CPNE8: variants seen among roughly 807,000 people sequenced by gnomAD.
The protein encoded by CPNE8 is copine-8.
Under a neutral mutation model 81.5 loss-of-function variants are expected in CPNE8, and 45 were observed. That is an observed-to-expected ratio of 0.55 (90% CI 0.44 to 0.71). The LOEUF is 0.71. Among genes scored for constraint, CPNE8 ranks in the 30% least tolerant of loss-of-function variants. The pLI, the probability that CPNE8 is intolerant of heterozygous loss-of-function variation, is 0.00. For missense variants in CPNE8, 594 were observed against 672.1 expected (o/e 0.88, Z 1.28); for synonymous variants, 252 against 226.3 (o/e 1.11, Z -1.02).
rs1317225983 is a variant in CPNE8 at position 38,675,730 on chromosome 12, TG to T, written c.1418del (p.Pro473GlnfsTer15). 2 of 1,602,588 alleles carry T rather than the reference TG, an allele frequency of 1.2e-6. No homozygotes were observed. Among genetic ancestry groups the T allele is most frequent in the Non-Finnish European group, 1.7e-6 (2 of 1,169,930 alleles). On this transcript the variant is annotated frameshift_variant, in exon 18 of 20. Transcript: ENST00000331366. LOFTEE classifies it high-confidence loss of function. ...TTTACTACTCACCATCAAATTCTGCTGGTCCAACACCTACTATAATTATTGA... is the reference window on the plus strand; with the variant it reads ...TTTACTACTCACCATCAAATTCTGCTGTCCAACACCTACTATAATTATTGA... The part of the protein sequence containing the change: ...PMSIIIVGVG[P>X]AEFDAMVELD...
chr12:38,786,654 C>T (rs1363345180), intron 6 of CPNE8, among the ~76,000 whole-genome samples: 1 of 152,028 alleles, frequency 6.6e-6, no homozygotes, highest in Non-Finnish European at 1.5e-5. Context: ...TACAATATCC[C>T]ATGCAAATGG....
At chr12:38,771,934 C>G (rs1330897051) in intron 7 of CPNE8, among the ~76,000 whole-genome samples, 1 of 152,144 alleles carries the variant, frequency 6.6e-6, no homozygotes, top group African/African-American at 2.4e-5. Context: ...CCTACCAAAG[C>G]TCATATCGAA....
At chr12:38,776,462 G>A (rs1941938603) in intron 6 of CPNE8, among the ~76,000 whole-genome samples, 161 bp from the exon 7 acceptor site, 1 of 151,320 alleles carries the variant, frequency 6.6e-6, no homozygotes, top group African/African-American at 2.4e-5. Flanking sequence ...TGGGATTACA[G>A]GCCCAGCTAA....
intron 6 of CPNE8, among the ~76,000 whole-genome samples, chr12:38,806,431 T>C (rs1335475342): frequency 6.7e-6 from 1 of 149,544 alleles, no homozygotes; most frequent in African/African-American, 2.4e-5. Context: ...ATCCCTGGGA[T>C]GCAAGGCTGG....
At chr12:38,707,984 A>G (rs1162222236) in intron 13 of CPNE8, among the ~76,000 whole-genome samples, 1 of 152,236 alleles carries the variant, frequency 6.6e-6, no homozygotes, top group Non-Finnish European at 1.5e-5. Flanking sequence ...CCAGCTTTAT[A>G]TTGTTCAATG....
At chr12:38,736,274 T>G (rs1033561408) in intron 10 of CPNE8, among the ~76,000 whole-genome samples, 1 of 151,232 alleles carries the variant, frequency 6.6e-6, no homozygotes, top group African/African-American at 2.4e-5. Context: ...AATTTTAGTA[T>G]GTTAATATTT....
intron 1 of CPNE8, among the ~76,000 whole-genome samples, chr12:38,876,100 C>T (rs1304159654): frequency 1.3e-5 from 2 of 151,908 alleles, no homozygotes; most frequent in African/African-American, 2.4e-5. Flanking sequence ...ATGCTATGTA[C>T]GTATTTAACA....
chr12:38,822,696 T>C (rs920478616), intron 6 of CPNE8, among the ~76,000 whole-genome samples: 4 of 152,150 alleles, frequency 2.6e-5, no homozygotes, highest in Non-Finnish European at 4.4e-5. Flanking sequence ...TCATGTACTA[T>C]CAACTTCATT....
At chr12:38,775,475 A>C (rs558859192) in intron 7 of CPNE8, among the ~76,000 whole-genome samples, 1 of 152,302 alleles carries the variant, frequency 6.6e-6, no homozygotes, top group African/African-American at 2.4e-5. Context: ...AGAGCACTAG[A>C]GGTAATCTAG....
intron 10 of CPNE8, among the ~76,000 whole-genome samples, chr12:38,740,407 G>A (rs546843158): frequency 1.3e-5 from 2 of 152,254 alleles, no homozygotes; most frequent in East Asian, 1.9e-4. Flanking sequence ...CCTGATTGCC[G>A]TGGCCAGAAC....
intron 1 of CPNE8, among the ~76,000 whole-genome samples, chr12:38,903,271 A>T (rs928461182): frequency 2.6e-5 from 4 of 152,240 alleles, no homozygotes; most frequent in Admixed American, 6.5e-5. Flanking sequence ...CAATAGACTA[A>T]GCACTAGTGC....
At chr12:38,901,176 G>A (rs934887405) in intron 1 of CPNE8, among the ~76,000 whole-genome samples, 5 of 152,092 alleles carry the variant, frequency 3.3e-5, no homozygotes, top group African/African-American at 7.2e-5. Flanking sequence ...AGCAGAGATC[G>A]CACCACTGCA....
At chr12:38,702,853 AG>A in intron 14 of CPNE8, 21 bp downstream of exon 14, 1 of 1,420,274 alleles carries the variant, frequency 7.0e-7, no homozygotes, top group Non-Finnish European at 9.6e-7. Flanking sequence ...GATTTTTATC[AG>A]GGGATAATCA....
intron 11 of CPNE8, among the ~76,000 whole-genome samples, chr12:38,729,484 A>G (rs1405289045): frequency 2.0e-5 from 3 of 152,068 alleles, no homozygotes; most frequent in Admixed American, 1.3e-4. Context: ...AGGGCCTAAC[A>G]TAGAACATAA....
intron 6 of CPNE8, among the ~76,000 whole-genome samples, chr12:38,815,337 A>G (rs545928176): frequency 1.1e-4 from 16 of 152,214 alleles, no homozygotes; most frequent in African/African-American, 3.1e-4. Context: ...TATTTTTACA[A>G]TCTCACCTTT....
At chr12:38,673,174 C>A (rs1313836167) in intron 18 of CPNE8, among the ~76,000 whole-genome samples, 1 of 152,176 alleles carries the variant, frequency 6.6e-6, no homozygotes, top group African/African-American at 2.4e-5. Context: ...CTCTCTCCTG[C>A]CACCATGTAG....
At chr12:38,807,845 C>G (rs1942847681) in intron 6 of CPNE8, among the ~76,000 whole-genome samples, 1 of 151,868 alleles carries the variant, frequency 6.6e-6, no homozygotes, top group South Asian at 2.1e-4. Flanking sequence ...ATTTTCGCAA[C>G]CTACTCATCT....
chr12:38,792,506 A>T (rs1236986370), intron 6 of CPNE8, among the ~76,000 whole-genome samples: 1 of 151,734 alleles, frequency 6.6e-6, no homozygotes, highest in Non-Finnish European at 1.5e-5. Context: ...TTGGAAATAC[A>T]TGAACTATCA....
At chr12:38,780,213 G>T (rs570235069) in intron 6 of CPNE8, among the ~76,000 whole-genome samples, 1 of 152,090 alleles carries the variant, frequency 6.6e-6, no homozygotes, top group Non-Finnish European at 1.5e-5. Flanking sequence ...TAAAAAATCA[G>T]TTGACTATAT....
Sources: gnomAD v4.1 joint callset for allele counts (sites outside exome capture counted in the v4.1 genomes callset) on GRCh38, gnomAD v4.1.1 for gene constraint, MANE v1.5 for transcripts, NCBI Gene and HGNC (gene_info 2026-07-23, HGNC 2026-07-21) for gene names.